SDK1: variants seen among roughly 807,000 people sequenced by gnomAD.
SDK1 encodes protein sidekick-1.
In SDK1, 157 loss-of-function variants were observed where a neutral mutation model predicts 245.5. The ratio of observed to expected loss-of-function variants is 0.64; its 90% confidence interval spans 0.56 to 0.73. The LOEUF (loss-of-function observed/expected upper bound fraction) is 0.73. Among genes scored for constraint, SDK1 ranks in the 30% least tolerant of loss-of-function variants. The pLI is 0.00. For missense variants in SDK1, 3,583 were observed against 3,002.3 expected (o/e 1.19, Z -4.52); for synonymous variants, 1,647 against 1,278.5 (o/e 1.29, Z -6.15).
At chr7:4,022,452 G>A (rs985440831) in intron 17 of SDK1, among the ~76,000 whole-genome samples, 3 of 152,114 alleles carry the variant, frequency 2.0e-5, no homozygotes, top group East Asian at 1.9e-4. Flanking sequence ...TGCAGCGTGC[G>A]CTACCATTAG....
intron 1 of SDK1, among the ~76,000 whole-genome samples, chr7:3,606,951 A>G (rs891532088): frequency 1.3e-5 from 2 of 152,174 alleles, no homozygotes. Flanking sequence ...AATCTATGGA[A>G]TTTTGCAATC....
chr7:3,892,496 C>A (rs951144412), intron 5 of SDK1, among the ~76,000 whole-genome samples: 5 of 152,184 alleles, frequency 3.3e-5, no homozygotes, highest in Admixed American at 2.0e-4. Flanking sequence ...AGTCATATGG[C>A]AAGCCCAAGG....
intron 1 of SDK1, among the ~76,000 whole-genome samples, chr7:3,316,366 G>T (rs1277924515): frequency 1.3e-5 from 2 of 152,136 alleles, no homozygotes; most frequent in Middle Eastern, 3.2e-3. Context: ...TGCTGCACAG[G>T]TTTGTAGCCT....
intron 4 of SDK1, among the ~76,000 whole-genome samples, chr7:3,777,490 G>T (rs1780600671): frequency 6.6e-6 from 1 of 152,190 alleles, no homozygotes; most frequent in African/African-American, 2.4e-5. Context: ...TAGCCAACCT[G>T]TGGCTGAGCT....
intron 1 of SDK1, among the ~76,000 whole-genome samples, chr7:3,550,991 G>C (rs530492154): frequency 2.0e-5 from 3 of 152,304 alleles, no homozygotes; most frequent in African/African-American, 7.2e-5. Flanking sequence ...TAGCAGTGTT[G>C]AGTGAACTCA....
chr7:3,924,761 C>T (rs1779710109), intron 5 of SDK1, among the ~76,000 whole-genome samples: 2 of 152,164 alleles, frequency 1.3e-5, no homozygotes, highest in South Asian at 4.1e-4. Context: ...TAATGAATTT[C>T]TTTACCCGTC....
At position 3,836,242 on chromosome 7, in the gene SDK1, T is replaced by C. The variant is rs565870403; in HGVS notation, c.847+14659T>C. On this transcript the variant is annotated intron_variant, in intron 5 of 44. Coordinates refer to ENST00000404826, the MANE Select transcript of SDK1 (RefSeq NM_152744.4). ...AATGAGTTGCTTTACAAATGAGCTA[T>C]AAATATTAGTTCTGCATCTCCAAGC... is the stretch of plus-strand genomic sequence containing the variant. Among the ~76,000 whole-genome samples the C allele has an allele frequency of 7.2e-5, 11 of 152,354 alleles. No individual in the cohort carries two copies. The East Asian group carries it at 9.6e-4, about 13-fold the overall frequency.
chr7:3,920,707 C>A (rs913970303), intron 5 of SDK1, among the ~76,000 whole-genome samples: 16 of 152,070 alleles, frequency 1.1e-4, no homozygotes, highest in African/African-American at 3.9e-4. Flanking sequence ...GGATTAATTT[C>A]TAATGGCCTC....
intron 5 of SDK1, among the ~76,000 whole-genome samples, chr7:3,899,051 G>A (rs1178509667): frequency 6.6e-6 from 1 of 151,904 alleles, no homozygotes; most frequent in Non-Finnish European, 1.5e-5. Flanking sequence ...GCCTCCTTTT[G>A]GTTTCCATTT....
chr7:3,953,341 G>A (rs746488321), intron 7 of SDK1, among the ~76,000 whole-genome samples: 4 of 152,176 alleles, frequency 2.6e-5, no homozygotes, highest in Non-Finnish European at 5.9e-5. Flanking sequence ...CGGTCCCTCT[G>A]AAAGAAGCGA....
intron 5 of SDK1, among the ~76,000 whole-genome samples, chr7:3,895,354 A>C (rs998341654): frequency 5.3e-5 from 8 of 152,212 alleles, no homozygotes; most frequent in Non-Finnish European, 8.8e-5. Context: ...CCCATTCCCT[A>C]GTCACTTCCA....
At chr7:4,194,141 G>A (rs1367067064) in intron 35 of SDK1, among the ~76,000 whole-genome samples, 1 of 151,868 alleles carries the variant, frequency 6.6e-6, no homozygotes, top group Non-Finnish European at 1.5e-5. Flanking sequence ...ACCACTCCTG[G>A]TACCAAAATC....
intron 1 of SDK1, among the ~76,000 whole-genome samples, chr7:3,364,248 T>C (rs1319076607): frequency 6.6e-6 from 1 of 152,228 alleles, no homozygotes; most frequent in African/African-American, 2.4e-5. Context: ...TTTCCATTCT[T>C]TTAACAGGGT....
chr7:4,224,303 T>C (rs977609276), intron 40 of SDK1, among the ~76,000 whole-genome samples: 1 of 152,170 alleles, frequency 6.6e-6, no homozygotes, highest in African/African-American at 2.4e-5. Context: ...CCCCAGGAAA[T>C]CATGGGGAGA....
chr7:3,832,264 T>C (rs1378502556), intron 5 of SDK1, among the ~76,000 whole-genome samples: 2 of 152,184 alleles, frequency 1.3e-5, no homozygotes, highest in Non-Finnish European at 2.9e-5. Flanking sequence ...ATTTTACTTA[T>C]TGAGATGATT....
chr7:3,923,504 A>G (rs376693183), intron 5 of SDK1, among the ~76,000 whole-genome samples: 78 of 152,188 alleles, frequency 5.1e-4, no homozygotes, highest in Non-Finnish European at 8.4e-4. Context: ...GGTTCTCTCA[A>G]TGGAGCCCGG....
At chr7:3,626,741 A>C (rs1158544513) in intron 2 of SDK1, among the ~76,000 whole-genome samples, 1 of 152,164 alleles carries the variant, frequency 6.6e-6, no homozygotes, top group Non-Finnish European at 1.5e-5. Context: ...TCACCAGCCC[A>C]CTGGCATGAA....
intron 5 of SDK1, among the ~76,000 whole-genome samples, chr7:3,842,757 ACTT>A (rs1351600462): frequency 2.0e-5 from 3 of 152,034 alleles, no homozygotes; most frequent in East Asian, 1.9e-4. Context: ...TTTCTCCCTC[ACTT>A]CTTCTTCACG....
chr7:4,268,393 G>T lies in SDK1; in HGVS notation c.*3009G>T, dbSNP rs1448964681. The stretch of plus-strand genomic sequence containing the variant: ...TGCACGGCCACCTTCTGGGTGAATC[G>T]GTCCAGCCCAAGCCCCTCTCCCCAG... On this transcript the variant is annotated 3_prime_UTR_variant, in exon 45 of 45. Coordinates refer to ENST00000404826, the MANE Select transcript of SDK1 (RefSeq NM_152744.4). 2.8e-6 allele frequency: 3 copies of T among 1,069,232 alleles called. No individual in the cohort carries two copies. Among genetic ancestry groups the T allele is most frequent in the African/African-American group, 3.4e-5 (2 of 59,512 alleles). 66.2% of individuals were successfully genotyped at this position (1,069,232 alleles called of 1,614,324 possible).
Sources: allele counts gnomAD v4.1 joint callset (sites outside exome capture counted in the v4.1 genomes callset), GRCh38; gene constraint gnomAD v4.1.1; transcripts MANE v1.5; gene names NCBI Gene and HGNC (gene_info 2026-07-23, HGNC 2026-07-21).